Variants in WDFY1 observed in about 807,000 individuals in gnomAD.
WDFY1 encodes the protein WD repeat and FYVE domain containing 1, also known as WD repeat and FYVE domain-containing protein 1.
A neutral mutation model predicts 56.4 loss-of-function variants in WDFY1; 32 were observed. That is an observed-to-expected ratio of 0.57 (90% CI 0.43 to 0.76). The LOEUF (loss-of-function observed/expected upper bound fraction) is 0.76, where lower values mean the gene tolerates loss of function less well. WDFY1 is among the 30% of genes least tolerant of loss of function. WDFY1 has a pLI of 0.00. For missense variants in WDFY1, 480 were observed against 545.7 expected (o/e 0.88, Z 1.20); for synonymous variants, 192 against 197.3 (o/e 0.97, Z 0.23).
intron 1 of WDFY1, among the ~76,000 whole-genome samples, chr2:223,924,549 A>C (rs1404368870): frequency 6.6e-6 from 1 of 152,156 alleles, no homozygotes; most frequent in Non-Finnish European, 1.5e-5. Context: ...TTTTTAGTAC[A>C]GACAGGGTTT....
intron 1 of WDFY1, among the ~76,000 whole-genome samples, chr2:223,927,798 C>T (rs1180237237): frequency 6.6e-6 from 1 of 152,134 alleles, no homozygotes; most frequent in African/African-American, 2.4e-5. Context: ...TCATTTCTAA[C>T]GTTTGATTTA....
intron 4 of WDFY1, among the ~76,000 whole-genome samples, chr2:223,903,648 G>T (rs680928): frequency 0.27 from 2,460 of 9,176 alleles, 105 homozygotes; most frequent in African/African-American, 0.34. Context: ...CACGTTTTTT[G>T]TTTTTTTTTT....
chr2:223,916,299 G>A (rs1693786507), intron 2 of WDFY1, among the ~76,000 whole-genome samples: 2 of 152,210 alleles, frequency 1.3e-5, no homozygotes, highest in African/African-American at 4.8e-5. Context: ...AGTGCTACCA[G>A]AGGAGAGAGG....
At chr2:223,914,203 G>A (rs1693751421) in intron 2 of WDFY1, among the ~76,000 whole-genome samples, 1 of 151,836 alleles carries the variant, frequency 6.6e-6, no homozygotes, top group Non-Finnish European at 1.5e-5. Context: ...CACCATGTTG[G>A]CCAGGCCAGT....
At chr2:223,880,100 C>G (rs1291302415) in intron 11 of WDFY1, 24 bp downstream of exon 11, 2 of 1,596,642 alleles carry the variant, frequency 1.3e-6, no homozygotes, top group Admixed American at 3.3e-5. Context: ...AACTGAGATG[C>G]TGACAGACAA....
chr2:223,914,379 C>T (rs1231208156), intron 2 of WDFY1, among the ~76,000 whole-genome samples: 1 of 152,210 alleles, frequency 6.6e-6, no homozygotes, highest in Non-Finnish European at 1.5e-5. Context: ...AGGCCAAATT[C>T]AGCTGACTGC....
chr2:223,918,741 C>A (rs1354977057), intron 1 of WDFY1, among the ~76,000 whole-genome samples: 4 of 152,090 alleles, frequency 2.6e-5, no homozygotes, highest in African/African-American at 9.7e-5. Flanking sequence ...TGGTGGTTGA[C>A]CGTCTGGGCC....
intron 1 of WDFY1, among the ~76,000 whole-genome samples, chr2:223,926,646 A>ACGTG (rs1553537867): frequency 2.1e-5 from 3 of 145,046 alleles, no homozygotes; most frequent in Non-Finnish European, 3.0e-5. Context: ...ATATACAAAT[A>ACGTG]TGTGCGTGTG....
intron 11 of WDFY1, among the ~76,000 whole-genome samples, chr2:223,879,709 G>C (rs1693034389): frequency 6.6e-6 from 1 of 152,026 alleles, no homozygotes; most frequent in Non-Finnish European, 1.5e-5. Context: ...TTCAATTTAT[G>C]TGTTAGTGAC....
intron 1 of WDFY1, among the ~76,000 whole-genome samples, chr2:223,926,395 T>G (rs1693978636): frequency 6.6e-6 from 1 of 152,172 alleles, no homozygotes. Context: ...CCTCCCAAAG[T>G]GCTGAGACTA....
rs57223015 is a variant in WDFY1, at chr2:223,942,527, C to CTTTTTTTTTTTTTTTTTTTTT, written c.137+2620_137+2621insAAAAAAAAAAAAAAAAAAAAA. On this transcript the variant is annotated intron_variant, in intron 1 of 11. Transcript: ENST00000233055. ...GCCACTGCGCCTGGCCAAAGGCTAA[C>CTTTTTTTTTTTTTTTTTTTTT]TTTTTTTTTTTTTTTTTTTGAGACG... Among the ~76,000 whole-genome samples, 6 of 74,236 alleles carry CTTTTTTTTTTTTTTTTTTTTT rather than the reference C, an allele frequency of 8.1e-5. 1 individual carries two copies. Among genetic ancestry groups the CTTTTTTTTTTTTTTTTTTTTT allele is most frequent in the African/African-American group, 3.1e-4 (5 of 16,176 alleles). 48.7% of individuals were successfully genotyped at this position (74,236 alleles called of 152,430 possible).
chr2:223,898,115 A>C (rs141845247), intron 6 of WDFY1, among the ~76,000 whole-genome samples: 119 of 152,254 alleles, frequency 7.8e-4, no homozygotes, highest in African/African-American at 2.7e-3. Flanking sequence ...CACTCAATAC[A>C]ATCAATGGAC....
In WDFY1 at chr2:223,882,870, C is replaced by T. The variant is rs925209297; in HGVS notation, c.934-798G>A. 5.3e-5 allele frequency among the ~76,000 whole-genome samples: 8 copies of T among 151,894 alleles called. No homozygotes were observed. In the South Asian group the frequency reaches 8.3e-4, roughly 16 times the overall value. On this transcript the variant is annotated intron_variant, in intron 9 of 11. Coordinates refer to ENST00000233055, the MANE Select transcript of WDFY1 (RefSeq NM_020830.5). ...AGCCTTCCAAGTAGCTGGCACTACACGTGTCTGCCACCATGTCTGGCTAAT... is the reference window on the plus strand; with the variant it reads ...AGCCTTCCAAGTAGCTGGCACTACATGTGTCTGCCACCATGTCTGGCTAAT...
intron 8 of WDFY1, among the ~76,000 whole-genome samples, chr2:223,889,608 A>T (rs1405407169): frequency 6.6e-6 from 1 of 151,962 alleles, no homozygotes; most frequent in Non-Finnish European, 1.5e-5. Flanking sequence ...CTCCTCCTTC[A>T]CCTTCCACCA....
intron 8 of WDFY1, among the ~76,000 whole-genome samples, chr2:223,886,436 CT>C (rs1390789218): frequency 6.6e-6 from 1 of 151,380 alleles, no homozygotes; most frequent in Non-Finnish European, 1.5e-5. Flanking sequence ...TGCTAAAAGC[CT>C]GTTTAGGCCG....
At position 223,945,320 on chromosome 2, in the gene WDFY1, CAG is replaced by C. The variant is rs1344849391; in HGVS notation, c.-38_-37del. 6.5e-7 allele frequency: 1 copy of C among 1,536,700 alleles called. No individual in the cohort carries two copies. The highest frequency in any genetic ancestry group is 8.7e-7 in the Non-Finnish European group (1 of 1,150,708). Reference sequence around the variant, plus strand: ...CGACTGCTGCGGCCTCCTCGGCAGGCAGCCCATCAGCTGACGCCTGGGCGGGC... The same window carrying C: ...CGACTGCTGCGGCCTCCTCGGCAGGCCCCATCAGCTGACGCCTGGGCGGGC... On this transcript the variant is annotated 5_prime_UTR_variant, in exon 1 of 12. Transcript: ENST00000233055.
intron 5 of WDFY1, among the ~76,000 whole-genome samples, chr2:223,899,662 C>T (rs575752850): frequency 6.6e-6 from 1 of 152,214 alleles, no homozygotes; most frequent in East Asian, 1.9e-4. Context: ...AAGAGAACAG[C>T]TTGAACCCAG....
At chr2:223,932,591 T>C (rs1694097960) in intron 1 of WDFY1, among the ~76,000 whole-genome samples, 1 of 152,114 alleles carries the variant, frequency 6.6e-6, no homozygotes, top group Non-Finnish European at 1.5e-5. Flanking sequence ...CAAAAACAGC[T>C]AAATTAAAGC....
chr2:223,944,786 G>A (rs1244633790), intron 1 of WDFY1, among the ~76,000 whole-genome samples: 1 of 151,076 alleles, frequency 6.6e-6, no homozygotes, highest in African/African-American at 2.4e-5. Flanking sequence ...GGCTGGGAGG[G>A]GCGCGGTAGG....
Sources: gnomAD v4.1 joint callset for allele counts (sites outside exome capture counted in the v4.1 genomes callset) on GRCh38, gnomAD v4.1.1 for gene constraint, MANE v1.5 for transcripts, NCBI Gene and HGNC (gene_info 2026-07-23, HGNC 2026-07-21) for gene names.